ERCC6L2: variants seen among roughly 807,000 people sequenced by gnomAD.
ERCC6L2 encodes DNA excision repair protein ERCC-6-like 2.
Under a neutral mutation model 132.0 loss-of-function variants are expected in ERCC6L2, and 77 were observed. The observed-to-expected ratio is 0.58, with a 90% CI of 0.49 to 0.71. The LOEUF is 0.71. Among genes scored for constraint, ERCC6L2 ranks in the 30% least tolerant of loss-of-function variants. ERCC6L2 has a pLI of 0.00. For synonymous variants in ERCC6L2, 583 were observed against 632.4 expected (o/e 0.92, Z 1.17); for missense variants, 1,542 against 1,837.6 (o/e 0.84, Z 2.94).
intron 9 of ERCC6L2, among the ~76,000 whole-genome samples, chr9:95,926,339 G>A (rs763245850): frequency 2.8e-4 from 43 of 152,126 alleles, no homozygotes; most frequent in Admixed American, 9.2e-4. Context: ...AAGAACCTAT[G>A]AGTTTATTTA....
chr9:95,961,368 T>G (rs2133024995), intron 13 of ERCC6L2, among the ~76,000 whole-genome samples: 1 of 152,142 alleles, frequency 6.6e-6, no homozygotes, highest in South Asian at 2.1e-4. Flanking sequence ...ATGCTACGGA[T>G]TACCAGCAAC....
At chr9:95,923,062 ACAT>A (rs1829945406) in intron 8 of ERCC6L2, among the ~76,000 whole-genome samples, 195 bp from the exon 9 acceptor site, 1 of 152,208 alleles carries the variant, frequency 6.6e-6, no homozygotes, top group South Asian at 2.1e-4. Context: ...GTTAATAACC[ACAT>A]CATTAAGAAT....
At chr9:95,936,842 C>T (rs912029119) in intron 11 of ERCC6L2, among the ~76,000 whole-genome samples, 2 of 152,148 alleles carry the variant, frequency 1.3e-5, no homozygotes, top group African/African-American at 4.8e-5. Context: ...TTTAGAACAA[C>T]ATAATCAAGA....
chr9:95,961,894 G>A (rs985229955), intron 13 of ERCC6L2, among the ~76,000 whole-genome samples: 3 of 151,992 alleles, frequency 2.0e-5, no homozygotes, highest in Non-Finnish European at 4.4e-5. Flanking sequence ...AAACGAAAGG[G>A]GTTTCCCCTT....
intron 19 of ERCC6L2, among the ~76,000 whole-genome samples, chr9:96,035,343 G>A (rs949824963): frequency 5.3e-5 from 8 of 152,178 alleles, no homozygotes; most frequent in Admixed American, 3.3e-4. Flanking sequence ...TTCCGAGCCC[G>A]CCCCTGGCTG....
chr9:95,928,496 G>T (rs1238351209), intron 10 of ERCC6L2, among the ~76,000 whole-genome samples: 1 of 152,128 alleles, frequency 6.6e-6, no homozygotes, highest in East Asian at 1.9e-4. Flanking sequence ...AAAATGAAAA[G>T]ATTGATTTTT....
At chr9:95,935,046 A>T (rs1401427589) in intron 11 of ERCC6L2, among the ~76,000 whole-genome samples, 1 of 152,160 alleles carries the variant, frequency 6.6e-6, no homozygotes, top group African/African-American at 2.4e-5. Flanking sequence ...TTTTTGTTCA[A>T]CTACTAATAT....
intron 14 of ERCC6L2, among the ~76,000 whole-genome samples, chr9:95,969,621 C>G (rs57731160): frequency 0.043 from 6,561 of 152,224 alleles, 489 homozygotes; most frequent in African/African-American, 0.15. Context: ...CTGCCACTTT[C>G]ACCTGTTGTA....
intron 3 of ERCC6L2, among the ~76,000 whole-genome samples, chr9:95,905,462 C>G (rs1330561097): frequency 6.6e-6 from 1 of 152,174 alleles, no homozygotes; most frequent in African/African-American, 2.4e-5. Context: ...TGAATGGCCT[C>G]TCAAGTGGAA....
chr9:95,972,453 GTGA>G lies in ERCC6L2; in HGVS notation c.2705_2707del (p.Asp902del). ...CAGAATGTCACAGAATCAGAAGATA[GTGA>G]TGTCATCTGTCCTACACAATACACA... On this transcript the variant is annotated inframe_deletion, in exon 16 of 19. Coordinates refer to ENST00000653738, the MANE Select transcript of ERCC6L2 (RefSeq NM_020207.7). 7.8e-7 allele frequency: 1 copy of G among 1,283,404 alleles called. No homozygotes were observed. The highest frequency in any genetic ancestry group is 2.1e-4 in the Middle Eastern group (1 of 4,654). The allele number at this position is 1,283,404 out of a possible 1,614,324, so 79.5% of individuals were successfully genotyped here. A position where few individuals can be genotyped will look rare whatever the true frequency, so the allele number is the denominator to read the frequency against.
chr9:95,962,762 C>A (rs78497213), intron 13 of ERCC6L2, among the ~76,000 whole-genome samples: 1 of 152,134 alleles, frequency 6.6e-6, no homozygotes, highest in Non-Finnish European at 1.5e-5. Flanking sequence ...CCTCTACTTA[C>A]GATGGGGCCA....
chr9:95,997,997 A>C (rs1833529288), intron 17 of ERCC6L2, among the ~76,000 whole-genome samples: 1 of 152,248 alleles, frequency 6.6e-6, no homozygotes, highest in Non-Finnish European at 1.5e-5. Flanking sequence ...ATGTTTATAA[A>C]GTAGATATTG....
intron 17 of ERCC6L2, among the ~76,000 whole-genome samples, chr9:95,984,734 C>A (rs144373895): frequency 1.5e-4 from 23 of 152,172 alleles, no homozygotes; most frequent in Non-Finnish European, 1.8e-4. Flanking sequence ...ATAATTAATA[C>A]TTTATGAATA....
At chr9:96,030,460 G>A (rs1212237228) in intron 19 of ERCC6L2, among the ~76,000 whole-genome samples, 1 of 152,128 alleles carries the variant, frequency 6.6e-6, no homozygotes, top group African/African-American at 2.4e-5. Context: ...CACTTTGGGA[G>A]GCCAAAGCAG....
At chr9:96,012,188 T>A (rs1834047534) in intron 18 of ERCC6L2, 37 bp from the exon 19 acceptor site, 1 of 1,174,626 alleles carries the variant, frequency 8.5e-7, no homozygotes, top group Non-Finnish European at 1.1e-6. Context: ...TAAAATGTAA[T>A]GAAAATAACC....
In ERCC6L2 at chr9:96,004,490, C is replaced by T. The variant is rs768565701; in HGVS notation, c.3493-30C>T. 3 of 1,238,586 alleles carry T rather than the reference C, an allele frequency of 2.4e-6. No homozygotes were observed. In the South Asian group the frequency reaches 3.9e-5, roughly 16 times the overall value. The allele number at this position is 1,238,586 out of a possible 1,614,324, so 76.7% of individuals were successfully genotyped here. On this transcript the variant is annotated intron_variant, in intron 17 of 18. Transcript: ENST00000653738. ...GACCAACAATGACTATTTTTTCAGA[C>T]ATAGCTTTTGTTTCCTTTCTTTTTT...
chr9:95,993,351 G>T (rs901030926), intron 17 of ERCC6L2, among the ~76,000 whole-genome samples: 1 of 152,206 alleles, frequency 6.6e-6, no homozygotes, highest in African/African-American at 2.4e-5. Flanking sequence ...CTCCTGGGCT[G>T]TACTCTCATG....
At chr9:95,883,631 C>T (rs200518919) in intron 2 of ERCC6L2, among the ~76,000 whole-genome samples, 18 of 152,248 alleles carry the variant, frequency 1.2e-4, no homozygotes, top group Admixed American at 8.5e-4. Flanking sequence ...GAGGCCAAGG[C>T]GGGCGGATCA....
Position 95,875,999 on chromosome 9 carries a change from G to T in ERCC6L2, c.-40G>T. The T allele has an allele frequency of 6.4e-7, 1 of 1,567,752 alleles. No individual in the cohort carries two copies. The highest frequency in any genetic ancestry group is 8.6e-7 in the Non-Finnish European group (1 of 1,157,478). ...CTTGCTGTCCTCCGCCGCCTTCCGG[G>T]TGTTACATGCAGCCGGGCTCGGCCC... On this transcript the variant is annotated 5_prime_UTR_variant, in exon 1 of 19. Transcript: ENST00000653738.
Sources: allele counts gnomAD v4.1 joint callset (sites outside exome capture counted in the v4.1 genomes callset), GRCh38; gene constraint gnomAD v4.1.1; transcripts MANE v1.5; gene names NCBI Gene and HGNC (gene_info 2026-07-23, HGNC 2026-07-21).